ZCCHC2: variants seen among roughly 807,000 people sequenced by gnomAD.
ZCCHC2 encodes zinc finger CCHC domain-containing protein 2.
Under a neutral mutation model 103.6 loss-of-function variants are expected in ZCCHC2, and 39 were observed. The observed-to-expected ratio is 0.38, with a 90% CI of 0.29 to 0.49. The LOEUF (loss-of-function observed/expected upper bound fraction) is 0.49. Ranked by LOEUF, ZCCHC2 falls within the 20% of genes least tolerant of loss-of-function variation. ZCCHC2 has a pLI of 0.96. For synonymous variants in ZCCHC2, 687 were observed against 608.9 expected (o/e 1.13, Z -1.89); for missense variants, 1,483 against 1,491.0 (o/e 0.99, Z 0.09).
chr18:62,525,526 T>G (rs1430540766), intron 1 of ZCCHC2: 1 of 152,220 alleles, frequency 6.6e-6, no homozygotes, highest in Admixed American at 6.5e-5. Context: ...ATATCTGCTG[T>G]CATTCAGTAC....
rs562960986 is a variant in ZCCHC2, at chr18:62,538,416, T to TG, written c.940-1262dup. Reference sequence around the variant, plus strand: ...AATTTTTGAGAAGCAGAATCTCTCGTGGGTAAATGTGGTTTTACATTTTTT... The same window carrying TG: ...AATTTTTGAGAAGCAGAATCTCTCGTGGGGTAAATGTGGTTTTACATTTTTT... On this transcript the variant is annotated intron_variant, in intron 1 of 13. Transcript: ENST00000269499. Among the ~76,000 whole-genome samples, 162 of 152,334 alleles carry TG rather than the reference T, an allele frequency of 1.1e-3. 1 individual carries two copies. The highest frequency in any genetic ancestry group is 1.8e-3 in the Non-Finnish European group (122 of 68,038).
intron 1 of ZCCHC2, among the ~76,000 whole-genome samples, chr18:62,529,251 C>A (rs536633979): frequency 1.3e-5 from 2 of 151,844 alleles, no homozygotes; most frequent in Non-Finnish European, 2.9e-5. Flanking sequence ...TTTAACTGAC[C>A]CCTGCTGCTG....
At chr18:62,565,926 A>G (rs1240355277) in intron 11 of ZCCHC2, among the ~76,000 whole-genome samples, 2 of 152,088 alleles carry the variant, frequency 1.3e-5, no homozygotes, top group African/African-American at 4.8e-5. Flanking sequence ...AGTGATGAAG[A>G]AAAAAAATAG....
At chr18:62,559,892 T>A (rs374134378) in intron 7 of ZCCHC2, among the ~76,000 whole-genome samples, 4 of 152,320 alleles carry the variant, frequency 2.6e-5, no homozygotes, top group African/African-American at 9.6e-5. Flanking sequence ...CTCTAAACAA[T>A]ACAGCATAAC....
At chr18:62,558,358 TG>T (rs2145516126) in intron 6 of ZCCHC2, among the ~76,000 whole-genome samples, 1 of 152,342 alleles carries the variant, frequency 6.6e-6, no homozygotes, top group Admixed American at 6.5e-5. Flanking sequence ...TTTAAAAAAA[TG>T]AAAACTGAAT....
intron 3 of ZCCHC2, among the ~76,000 whole-genome samples, chr18:62,543,087 A>G (rs556035414): frequency 2.6e-5 from 4 of 152,124 alleles, no homozygotes; most frequent in African/African-American, 2.4e-5. Flanking sequence ...CGTCAGCTGT[A>G]TCGGGAATTC....
chr18:62,585,978 CTG>C (rs1917160503), exon 15 of ZCCHC2: 1 of 152,176 alleles, frequency 6.6e-6, no homozygotes, highest in Admixed American at 6.5e-5. Flanking sequence ...CACGCCACCT[CTG>C]TCTTTCGTGG....
rs566082921 is a variant in ZCCHC2, at chr18:62,550,339, CT to C, written c.1201-5del. 4,194 of 1,601,958 alleles carry C rather than the reference CT, an allele frequency of 2.6e-3. 6 individuals carry two copies. Among genetic ancestry groups the C allele is most frequent in the Non-Finnish European group, 3.3e-3 (3,833 of 1,171,950 alleles). On this transcript the variant is annotated splice_region_variant and splice_polypyrimidine_tract_variant and intron_variant, in intron 4 of 13. Coordinates refer to ENST00000269499, the MANE Select transcript of ZCCHC2 (RefSeq NM_017742.6). ...CTTAACATTGGATATTGTGGTTTTT[CT>C]TTTCTAGCTTCCAAAGGAACTGTCT...
intron 5 of ZCCHC2, among the ~76,000 whole-genome samples, chr18:62,555,392 A>G (rs1915843972): frequency 6.6e-6 from 1 of 152,226 alleles, no homozygotes. Flanking sequence ...GTCATGCCTT[A>G]GGTTGTAGAA....
intron 1 of ZCCHC2, 75 bp from the exon 2 acceptor site, chr18:62,539,606 T>C (rs767977283): frequency 1.5e-6 from 2 of 1,329,418 alleles, no homozygotes; most frequent in Admixed American, 4.3e-5. Context: ...GTTAGTAAAA[T>C]GAGAAGACCT....
chr18:62,532,945 G>A (rs1394166961), intron 1 of ZCCHC2, among the ~76,000 whole-genome samples: 4 of 152,262 alleles, frequency 2.6e-5, no homozygotes, highest in South Asian at 2.1e-4. Context: ...GCGGAGGCAG[G>A]AGGATCACTT....
chr18:62,537,216 T>C (rs1192125708), intron 1 of ZCCHC2, among the ~76,000 whole-genome samples: 1 of 152,160 alleles, frequency 6.6e-6, no homozygotes, highest in Non-Finnish European at 1.5e-5. Flanking sequence ...TCTTGCCCTG[T>C]TGCCCAGGCT....
At chr18:62,582,166 A>C (rs1330791350), downstream of ZCCHC2, among the ~76,000 whole-genome samples, 3 of 152,240 alleles carry the variant, frequency 2.0e-5, no homozygotes, top group Non-Finnish European at 4.4e-5. Flanking sequence ...GAATAGAGGG[A>C]AAACACATTG....
intron 1 of ZCCHC2, chr18:62,525,088 C>T (rs1914313096): frequency 6.6e-6 from 1 of 152,206 alleles, no homozygotes; most frequent in Admixed American, 6.5e-5. Context: ...GATGCTTTTT[C>T]CCTCCGGCAC....
Position 62,583,630 on chromosome 18 carries a change from G to C in ZCCHC2, c.*74-816G>C, listed in dbSNP as rs1917090557. ...AGCTGTGACAATAGTTCCACCCCATGACACTCCCATAATCTTAAAAGAATA... is the reference window on the plus strand; with the variant it reads ...AGCTGTGACAATAGTTCCACCCCATCACACTCCCATAATCTTAAAAGAATA... On this transcript the variant is annotated intron_variant and NMD_transcript_variant, in intron 14 of 14. Coordinates refer to the ZCCHC2 transcript ENST00000585873. Among the ~76,000 whole-genome samples the C allele has an allele frequency of 2.1e-5, 3 of 140,816 alleles. No homozygotes were observed. In the Admixed American group the frequency reaches 2.2e-4, roughly 10 times the overall value. 92.4% of individuals were successfully genotyped at this position (140,816 alleles called of 152,430 possible).
chr18:62,528,324 G>T (rs1390334225), intron 1 of ZCCHC2, among the ~76,000 whole-genome samples: 1 of 152,238 alleles, frequency 6.6e-6, no homozygotes, highest in Non-Finnish European at 1.5e-5. Context: ...GCCAGGTGCG[G>T]TGGCTCACGC....
chr18:62,576,465 GA>G, intron 13 of ZCCHC2, 46 bp from the exon 14 acceptor site: 1 of 1,532,900 alleles, frequency 6.5e-7, no homozygotes, highest in Non-Finnish European at 9.0e-7. Context: ...GGTTTGTGAT[GA>G]CGTTTGCTTG....
At chr18:62,545,579 C>G (rs1915376037) in intron 4 of ZCCHC2, among the ~76,000 whole-genome samples, 1 of 152,122 alleles carries the variant, frequency 6.6e-6, no homozygotes, top group Admixed American at 6.5e-5. Context: ...TTATACTAAT[C>G]TGATTTTATC....
chr18:62,524,654 C>T (rs1242464361), intron 1 of ZCCHC2: 1 of 423,634 alleles, frequency 2.4e-6, no homozygotes, highest in African/African-American at 2.1e-5. Flanking sequence ...GAGCTCCCCG[C>T]CCGGGGCCCC....
Sources: gnomAD v4.1 joint callset for allele counts (sites outside exome capture counted in the v4.1 genomes callset) on GRCh38, gnomAD v4.1.1 for gene constraint, MANE v1.5 for transcripts, NCBI Gene and HGNC (gene_info 2026-07-23, HGNC 2026-07-21) for gene names.